Variants in TMEM108 observed in about 807,000 individuals in gnomAD.
TMEM108 encodes the protein transmembrane protein 108, also known as cancer/testis antigen 124.
Under a neutral mutation model 35.1 loss-of-function variants are expected in TMEM108, and 12 were observed. The observed-to-expected ratio is 0.34, with a 90% confidence interval of 0.22 to 0.55. The LOEUF is 0.55. TMEM108 is among the 20% of genes least tolerant of loss of function. TMEM108 has a pLI of 0.89. For missense variants in TMEM108, 680 were observed against 753.3 expected (o/e 0.90, Z 1.14); for synonymous variants, 287 against 308.6 (o/e 0.93, Z 0.73).
intron 2 of TMEM108, among the ~76,000 whole-genome samples, chr3:133,094,918 CA>C (rs779213501): frequency 1.3e-5 from 2 of 152,074 alleles, no homozygotes; most frequent in Non-Finnish European, 2.9e-5. Flanking sequence ...ATTTGTATCC[CA>C]ATGCCTGGTA....
chr3:133,372,489 G>C (rs1232486939), intron 3 of TMEM108, among the ~76,000 whole-genome samples: 1 of 152,166 alleles, frequency 6.6e-6, no homozygotes, highest in Non-Finnish European at 1.5e-5. Context: ...ATGTTTTTTA[G>C]GAGACCATGG....
chr3:133,243,169 G>T (rs557009283), intron 3 of TMEM108, among the ~76,000 whole-genome samples: 1 of 152,060 alleles, frequency 6.6e-6, no homozygotes, highest in African/African-American at 2.4e-5. Context: ...TTGCTGGCCC[G>T]GAGGTCACTA....
intron 2 of TMEM108, among the ~76,000 whole-genome samples, chr3:133,200,969 C>G (rs1436867109): frequency 6.6e-6 from 1 of 152,136 alleles, no homozygotes; most frequent in Non-Finnish European, 1.5e-5. Context: ...ACAGAAAATT[C>G]GCTTGGACAG....
chr3:133,194,340 C>T (rs1044481456), intron 2 of TMEM108, among the ~76,000 whole-genome samples: 2 of 152,300 alleles, frequency 1.3e-5, no homozygotes, highest in African/African-American at 4.8e-5. Flanking sequence ...CCTTGAGATT[C>T]TGACTTCTTT....
At chr3:133,315,915 A>G (rs895040715) in intron 3 of TMEM108, among the ~76,000 whole-genome samples, 2 of 152,230 alleles carry the variant, frequency 1.3e-5, no homozygotes, top group Admixed American at 1.3e-4. Flanking sequence ...GAGACATAAA[A>G]AGCATGTATA....
chr3:133,246,851 A>G (rs139601174), intron 3 of TMEM108: 156 of 152,368 alleles, frequency 1.0e-3, no homozygotes, highest in African/African-American at 3.7e-3. Context: ...AGCAGATTCT[A>G]CCAGCAACTC....
rs181558074 is a variant in TMEM108 at position 133,146,394 on chromosome 3, A to G, written c.-46-82872A>G. 2.0e-3 allele frequency among the ~76,000 whole-genome samples: 298 copies of G among 152,316 alleles called. 2 individuals are homozygous for G. Among genetic ancestry groups the G allele is most frequent in the Non-Finnish European group, 1.6e-3 (107 of 68,020 alleles). The stretch of plus-strand genomic sequence containing the variant: ...TATTTTATTGAGGATTTTCACATCA[A>G]TGTTCATCAGGGGTATTGGCCTGAT... On this transcript the variant is annotated intron_variant, in intron 2 of 5. Transcript: ENST00000321871.
At chr3:133,272,023 T>C (rs1169691636) in intron 3 of TMEM108, among the ~76,000 whole-genome samples, 1 of 152,226 alleles carries the variant, frequency 6.6e-6, no homozygotes, top group Non-Finnish European at 1.5e-5. Flanking sequence ...TTTTGAGCGC[T>C]TAACTCTGCT....
At chr3:133,112,859 A>G (rs569623451) in intron 2 of TMEM108, among the ~76,000 whole-genome samples, 1 of 152,204 alleles carries the variant, frequency 6.6e-6, no homozygotes, top group Non-Finnish European at 1.5e-5. Flanking sequence ...TCACCATGCT[A>G]TGCAAAATTG....
At chr3:133,134,702 C>G (rs1944540083) in intron 2 of TMEM108, among the ~76,000 whole-genome samples, 1 of 152,052 alleles carries the variant, frequency 6.6e-6, no homozygotes. Context: ...TGAAGTCAGT[C>G]TGGATTTAGT....
At chr3:133,386,678 T>A in intron 4 of TMEM108, 1 of 1,397,702 alleles carries the variant, frequency 7.2e-7, no homozygotes, top group Non-Finnish European at 9.3e-7. Context: ...CAGTTGAAGC[T>A]TTTCAACTAA....
At chr3:133,120,581 A>G (rs989237863) in intron 2 of TMEM108, among the ~76,000 whole-genome samples, 1 of 151,936 alleles carries the variant, frequency 6.6e-6, no homozygotes, top group South Asian at 2.1e-4. Flanking sequence ...TGCTCTGGGC[A>G]TAGCTCATCT....
chr3:133,182,764 A>C (rs1424116736), intron 2 of TMEM108, among the ~76,000 whole-genome samples: 4 of 152,194 alleles, frequency 2.6e-5, no homozygotes, highest in Non-Finnish European at 2.9e-5. Flanking sequence ...CTCTTGTGTA[A>C]TAATAGCACC....
chr3:133,204,154 A>AT (rs1360784888), intron 2 of TMEM108, among the ~76,000 whole-genome samples: 8 of 150,990 alleles, frequency 5.3e-5, no homozygotes, highest in Non-Finnish European at 5.9e-5. Context: ...CCTCTCTATC[A>AT]TTTTTTATTG....
intron 2 of TMEM108, among the ~76,000 whole-genome samples, chr3:133,179,477 TA>T (rs1264197809): frequency 6.6e-6 from 1 of 151,808 alleles, no homozygotes; most frequent in African/African-American, 2.4e-5. Flanking sequence ...TATGCAGCCA[TA>T]AAAAATGATG....
At chr3:133,091,080 G>A (rs1943941695) in intron 2 of TMEM108, among the ~76,000 whole-genome samples, 1 of 152,078 alleles carries the variant, frequency 6.6e-6, no homozygotes, top group Non-Finnish European at 1.5e-5. Context: ...ATTCCAATTT[G>A]TAATTCCTGT....
At chr3:133,378,626 T>C in intron 3 of TMEM108, 1 of 810,786 alleles carries the variant, frequency 1.2e-6, no homozygotes, top group Non-Finnish European at 1.5e-6. Flanking sequence ...CCAACCCATG[T>C]GTTGTCAACG....
chr3:133,166,017 G>T (rs890775953), intron 2 of TMEM108, among the ~76,000 whole-genome samples: 6 of 152,242 alleles, frequency 3.9e-5, no homozygotes, highest in Non-Finnish European at 5.9e-5. Context: ...GAAAGTTACT[G>T]AAATCAGTCT....
chr3:133,356,417 A>C (rs2072171710), intron 3 of TMEM108, among the ~76,000 whole-genome samples: 1 of 152,204 alleles, frequency 6.6e-6, no homozygotes, highest in Non-Finnish European at 1.5e-5. Context: ...CTACAGATAC[A>C]ATGCAATTCC....
Sources: gnomAD v4.1 joint callset for allele counts (sites outside exome capture counted in the v4.1 genomes callset) on GRCh38, gnomAD v4.1.1 for gene constraint, MANE v1.5 for transcripts, NCBI Gene and HGNC (gene_info 2026-07-23, HGNC 2026-07-21) for gene names.